GAGE10: variants seen among roughly 807,000 people sequenced by gnomAD.
The protein encoded by GAGE10 is G antigen 10.
In GAGE10, 9 loss-of-function variants were observed where a neutral mutation model predicts 11.5. That is an observed-to-expected ratio of 0.78 (90% CI 0.47 to 1.37). The LOEUF (loss-of-function observed/expected upper bound fraction) is 1.37. Ranked by LOEUF, GAGE10 falls within the 40% of genes most tolerant of loss-of-function variation. GAGE10 has a pLI of 0.00. For missense variants in GAGE10, 83 were observed against 92.9 expected (o/e 0.89, Z 0.44); for synonymous variants, 23 against 29.7 (o/e 0.77, Z 0.73).
chrX:49,308,771 G>T (rs1238825163), intron 3 of GAGE10, among the ~76,000 whole-genome samples: 1 of 111,558 alleles, frequency 9.0e-6, no homozygotes, highest in Non-Finnish European at 1.9e-5. Context: ...GTGTGTGTGT[G>T]GACCTACCCA....
chrX:49,313,483 A>G (rs782314178), intron 3 of GAGE10, among the ~76,000 whole-genome samples: 8 of 111,724 alleles, frequency 7.2e-5, no homozygotes, highest in Non-Finnish European at 1.3e-4. Context: ...AGGAGAGTTA[A>G]CCCTTAGGAG....
intron 3 of GAGE10, among the ~76,000 whole-genome samples, chrX:49,310,026 A>G (rs1197260277): frequency 2.7e-5 from 3 of 112,141 alleles, no homozygotes; most frequent in Non-Finnish European, 5.6e-5. Context: ...AAGACAACCA[A>G]TATAAAAAAT....
intron 3 of GAGE10, 129 bp from the exon 4 acceptor site, chrX:49,317,034 T>A: frequency 2.3e-6 from 2 of 865,552 alleles, no homozygotes; most frequent in Non-Finnish European, 3.1e-6. Flanking sequence ...TTCATGGGAT[T>A]CTTATCAACA....
chrX:49,308,458 C>T (rs1384982841), intron 3 of GAGE10, among the ~76,000 whole-genome samples: 1 of 111,834 alleles, frequency 8.9e-6, no homozygotes, highest in Non-Finnish European at 1.9e-5. Context: ...GGAGACGGGG[C>T]TGCAGCATGA....
intron 1 of GAGE10, among the ~76,000 whole-genome samples, 154 bp from the exon 2 acceptor site, chrX:49,304,698 C>T (rs1251817689): frequency 1.4e-4 from 13 of 95,777 alleles, no homozygotes; most frequent in African/African-American, 4.3e-4. Flanking sequence ...GCTTTGTAGG[C>T]ACTCAGAAAA....
intron 3 of GAGE10, among the ~76,000 whole-genome samples, chrX:49,314,968 G>C (rs782648090): frequency 8.9e-6 from 1 of 112,046 alleles, no homozygotes; most frequent in East Asian, 2.8e-4. Flanking sequence ...TTCACAGAGA[G>C]AGTAGGAGAA....
chrX:49,308,718 C>A (rs2066365677), intron 3 of GAGE10, among the ~76,000 whole-genome samples: 2 of 111,706 alleles, frequency 1.8e-5, no homozygotes, highest in Admixed American at 9.4e-5. Flanking sequence ...AGCTTGCTGG[C>A]AGGGTGCAAG....
intron 3 of GAGE10, among the ~76,000 whole-genome samples, chrX:49,316,820 C>T (rs5906782): frequency 9.1e-6 from 1 of 109,813 alleles, no homozygotes; most frequent in African/African-American, 3.3e-5. Flanking sequence ...TGCCATATAA[C>T]AGTCTAAGTG....
chrX:49,309,126 A>G (rs1250660966), intron 3 of GAGE10, among the ~76,000 whole-genome samples: 1 of 111,927 alleles, frequency 8.9e-6, no homozygotes, highest in Non-Finnish European at 1.9e-5. Flanking sequence ...GTTCCTGGCT[A>G]AGCAGCCTCT....
chrX:49,314,345 C>T (rs1251350540), intron 3 of GAGE10, among the ~76,000 whole-genome samples: 1 of 112,352 alleles, frequency 8.9e-6, no homozygotes, highest in African/African-American at 3.2e-5. Context: ...TTAGCAGGAC[C>T]AGCCCTAAAC....
chrX:49,308,972 C>T (rs1475642790), intron 3 of GAGE10, among the ~76,000 whole-genome samples: 10 of 112,115 alleles, frequency 8.9e-5, no homozygotes, highest in East Asian at 2.8e-4. Flanking sequence ...GAGGCCAATG[C>T]GGGGAGTGAC....
intron 3 of GAGE10, among the ~76,000 whole-genome samples, chrX:49,310,519 T>A (rs190167452): frequency 1.1e-4 from 12 of 111,486 alleles, no homozygotes; most frequent in Non-Finnish European, 1.9e-4. Context: ...GTAAGGAGAA[T>A]GGTCAATGGC....
At chrX:49,305,848 T>G (rs2066354837) in intron 3 of GAGE10, among the ~76,000 whole-genome samples, 1 of 111,437 alleles carries the variant, frequency 9.0e-6, no homozygotes, top group Non-Finnish European at 1.9e-5. Context: ...GTTTGTGTCT[T>G]CCTACCATCT....
chrX:49,303,928 T>G (rs2066346176), intron 1 of GAGE10, among the ~76,000 whole-genome samples, 175 bp downstream of exon 1: 1 of 111,829 alleles, frequency 8.9e-6, no homozygotes, highest in African/African-American at 3.3e-5. Context: ...GAGAAGGGCC[T>G]TGAGGTCGTC....
chrX:49,307,041 G>A (rs1401649679), intron 3 of GAGE10, among the ~76,000 whole-genome samples: 1 of 111,299 alleles, frequency 9.0e-6, no homozygotes, highest in Admixed American at 9.6e-5. Flanking sequence ...CTAAAGTTCA[G>A]TGTAATTGTC....
chrX:49,307,238 A>G (rs1424011382), intron 3 of GAGE10, among the ~76,000 whole-genome samples: 6 of 111,673 alleles, frequency 5.4e-5, no homozygotes, highest in Admixed American at 9.5e-5. Flanking sequence ...ACACACACAC[A>G]TACAGATATA....
chrX:49,310,740 A>G (rs1408156142), intron 3 of GAGE10, among the ~76,000 whole-genome samples: 2 of 103,185 alleles, frequency 1.9e-5, no homozygotes, highest in African/African-American at 8.6e-5. Flanking sequence ...TCTCTGTGGT[A>G]ACCCACCCGA....
rs781833671 is a variant in GAGE10, at chrX:49,313,726, C to T, written c.203-3437C>T. ...TGTCACACCTTGGATTCACCATAGCCGCCTGAAACCAGTGGCAGCAGTGAC... is the reference window on the plus strand; with the variant it reads ...TGTCACACCTTGGATTCACCATAGCTGCCTGAAACCAGTGGCAGCAGTGAC... On this transcript the variant is annotated intron_variant, in intron 3 of 4. Coordinates refer to ENST00000407599, the MANE Select transcript of GAGE10 (RefSeq NM_001098413.4). Among the ~76,000 whole-genome samples, 9 of 111,787 alleles carry T rather than the reference C, an allele frequency of 8.1e-5. No homozygotes were observed. The South Asian group carries it at 1.1e-3, about 14-fold the overall frequency.
intron 3 of GAGE10, among the ~76,000 whole-genome samples, chrX:49,313,347 C>G (rs1346601242): frequency 8.9e-6 from 1 of 112,323 alleles, no homozygotes; most frequent in Non-Finnish European, 1.9e-5. Context: ...GGGATCAGGT[C>G]TTGCCCATGG....
Sources: allele counts gnomAD v4.1 joint callset (sites outside exome capture counted in the v4.1 genomes callset), GRCh38; gene constraint gnomAD v4.1.1; transcripts MANE v1.5; gene names NCBI Gene and HGNC (gene_info 2026-07-23, HGNC 2026-07-21).